HCN1: variants seen among roughly 807,000 people sequenced by gnomAD.
HCN1 encodes hyperpolarization activated cyclic nucleotide gated potassium channel 1.
A neutral mutation model predicts 78.9 loss-of-function variants in HCN1; 13 were observed. That is an observed-to-expected ratio of 0.16 (90% confidence interval 0.11 to 0.26). The LOEUF (loss-of-function observed/expected upper bound fraction) is 0.26, where lower values mean the gene tolerates loss of function less well. Among genes scored for constraint, HCN1 ranks in the 10% least tolerant of loss-of-function variants. The pLI is 1.00. For missense variants in HCN1, 810 were observed against 1,154.3 expected (o/e 0.70, Z 4.32); for synonymous variants, 552 against 455.5 (o/e 1.21, Z -2.70).
intron 2 of HCN1, among the ~76,000 whole-genome samples, chr5:45,494,768 A>T (rs1384981106): frequency 6.6e-6 from 1 of 152,126 alleles, no homozygotes; most frequent in African/African-American, 2.4e-5. Context: ...TCTTGAATTA[A>T]TTTTTGTCTA....
intron 3 of HCN1, among the ~76,000 whole-genome samples, chr5:45,405,162 A>G (rs1340542611): frequency 1.3e-5 from 2 of 152,150 alleles, no homozygotes; most frequent in Non-Finnish European, 2.9e-5. Flanking sequence ...GCATAAACAT[A>G]TCATTTTTAT....
In HCN1 at chr5:45,428,706, C is replaced by A. The variant is rs147482743; in HGVS notation, c.1012-31996G>T. 9.9e-5 allele frequency among the ~76,000 whole-genome samples: 15 copies of A among 151,952 alleles called. No homozygotes were observed. In the East Asian group the frequency reaches 2.3e-3, roughly 24 times the overall value. On this transcript the variant is annotated intron_variant, in intron 3 of 7. Coordinates refer to ENST00000303230, the MANE Select transcript of HCN1 (RefSeq NM_021072.4). ...TTAATGCATTGTTATCACCCTGCAG[C>A]ATTTGGAAACCAAATTTGGGCTTGA...
chr5:45,492,164 G>T (rs914459106), intron 2 of HCN1, among the ~76,000 whole-genome samples: 8 of 151,704 alleles, frequency 5.3e-5, no homozygotes, highest in Non-Finnish European at 1.2e-4. Flanking sequence ...ATCATATCCA[G>T]CATTTTACTA....
At chr5:45,578,813 A>G (rs1252759066) in intron 2 of HCN1, among the ~76,000 whole-genome samples, 1 of 152,070 alleles carries the variant, frequency 6.6e-6, no homozygotes, top group East Asian at 1.9e-4. Flanking sequence ...CTTTTGCTCT[A>G]GAAAGAAGAG....
intron 4 of HCN1, among the ~76,000 whole-genome samples, chr5:45,371,803 A>T (rs1747369032): frequency 7.2e-6 from 1 of 138,470 alleles, no homozygotes; most frequent in South Asian, 2.2e-4. Flanking sequence ...ATACACACAC[A>T]AGGTGTATAT....
At chr5:45,372,524 AT>A (rs1431737408) in intron 4 of HCN1, among the ~76,000 whole-genome samples, 2 of 129,072 alleles carry the variant, frequency 1.5e-5, no homozygotes, top group African/African-American at 2.9e-5. Context: ...ACATATAAAA[AT>A]ATATAAAACA....
intron 2 of HCN1, among the ~76,000 whole-genome samples, chr5:45,488,708 G>A (rs1418194273): frequency 6.6e-6 from 1 of 152,140 alleles, no homozygotes; most frequent in Non-Finnish European, 1.5e-5. Flanking sequence ...GATGTAGTAA[G>A]TTAGAGAATA....
At chr5:45,392,031 T>G (rs911210731) in intron 4 of HCN1, among the ~76,000 whole-genome samples, 1 of 152,086 alleles carries the variant, frequency 6.6e-6, no homozygotes, top group African/African-American at 2.4e-5. Context: ...TAAGGATCCT[T>G]AAGAGTTGAT....
chr5:45,363,457 A>T (rs1008743637), intron 4 of HCN1, among the ~76,000 whole-genome samples: 1 of 151,932 alleles, frequency 6.6e-6, no homozygotes, highest in African/African-American at 2.4e-5. Flanking sequence ...TCCTTCAGAG[A>T]AACAAGTATA....
chr5:45,352,968 A>C, intron 5 of HCN1, 132 bp downstream of exon 5: 1 of 720,570 alleles, frequency 1.4e-6, no homozygotes, highest in South Asian at 1.8e-5. Flanking sequence ...TGAGAAGCTA[A>C]AGAAGATAAG....
rs140306400 is a variant in HCN1 at position 45,402,046 on chromosome 5, C to A, written c.1012-5336G>T. ...GATGGGGAGTAGGAGTATTTGGAGG[C>A]TGAGAAAAGTTACCAAACCCCATAG... On this transcript the variant is annotated intron_variant, in intron 3 of 7. Transcript: ENST00000303230. Among the ~76,000 whole-genome samples, 3 of 152,022 alleles carry A rather than the reference C, an allele frequency of 2.0e-5. No homozygotes were observed. The East Asian group carries it at 5.8e-4, about 29-fold the overall frequency.
intron 3 of HCN1, among the ~76,000 whole-genome samples, chr5:45,458,033 G>A (rs1741062641): frequency 1.3e-5 from 2 of 151,870 alleles, no homozygotes; most frequent in Non-Finnish European, 2.9e-5. Context: ...ACTTTAATGA[G>A]GAATTTAGAA....
At chr5:45,289,138 T>C (rs2111881654) in intron 6 of HCN1, among the ~76,000 whole-genome samples, 1 of 152,192 alleles carries the variant, frequency 6.6e-6, no homozygotes, top group African/African-American at 2.4e-5. Flanking sequence ...CCCATTATCT[T>C]TCCTATGGAC....
intron 2 of HCN1, among the ~76,000 whole-genome samples, chr5:45,470,796 C>T (rs1741375592): frequency 6.6e-6 from 1 of 151,944 alleles, no homozygotes; most frequent in Admixed American, 6.6e-5. Context: ...CGGCTTATGA[C>T]AACATCTTCC....
At chr5:45,589,794 G>A (rs920177633) in intron 2 of HCN1, among the ~76,000 whole-genome samples, 9 of 152,104 alleles carry the variant, frequency 5.9e-5, no homozygotes, top group Non-Finnish European at 1.3e-4. Flanking sequence ...ATAATTAGAA[G>A]AGAACATTGC....
At chr5:45,342,123 T>C (rs965941528) in intron 5 of HCN1, among the ~76,000 whole-genome samples, 2 of 152,194 alleles carry the variant, frequency 1.3e-5, no homozygotes, top group African/African-American at 4.8e-5. Flanking sequence ...GAAAAGGGTC[T>C]TGAACTTGAT....
chr5:45,685,487 G>A (rs1739786850), intron 1 of HCN1, among the ~76,000 whole-genome samples: 1 of 152,194 alleles, frequency 6.6e-6, no homozygotes, highest in Admixed American at 6.5e-5. Flanking sequence ...GCCGAGCCGG[G>A]CGGATCACCC....
At chr5:45,504,444 G>A (rs1397170187) in intron 2 of HCN1, among the ~76,000 whole-genome samples, 1 of 151,854 alleles carries the variant, frequency 6.6e-6, no homozygotes, top group East Asian at 1.9e-4. Context: ...CTTTTTTTTG[G>A]CTGCATAGTA....
chr5:45,272,608 G>A (rs1436717901), intron 6 of HCN1, among the ~76,000 whole-genome samples: 1 of 151,960 alleles, frequency 6.6e-6, no homozygotes, highest in Non-Finnish European at 1.5e-5. Context: ...CTTAAGTTTT[G>A]GATAATATTG....
Sources: gnomAD v4.1 joint callset for allele counts (sites outside exome capture counted in the v4.1 genomes callset) on GRCh38, gnomAD v4.1.1 for gene constraint, MANE v1.5 for transcripts, NCBI Gene and HGNC (gene_info 2026-07-23, HGNC 2026-07-21) for gene names.